Variants in KCTD16 observed in about 807,000 individuals in gnomAD.
KCTD16 encodes the protein potassium channel tetramerization domain containing 16, also known as BTB/POZ domain-containing protein KCTD16.
Under a neutral mutation model 33.2 loss-of-function variants are expected in KCTD16, and 13 were observed. The observed-to-expected ratio is 0.39, with a 90% CI of 0.25 to 0.62. The LOEUF is 0.62. Ranked by LOEUF, KCTD16 falls within the 20% of genes least tolerant of loss-of-function variation. The pLI, the probability that KCTD16 is intolerant of heterozygous loss-of-function variation, is 0.50. For synonymous variants in KCTD16, 197 were observed against 195.3 expected (o/e 1.01, Z -0.07); for missense variants, 441 against 525.1 (o/e 0.84, Z 1.57).
intron 3 of KCTD16, among the ~76,000 whole-genome samples, chr5:144,298,042 C>T (rs557781407): frequency 4.9e-4 from 74 of 152,302 alleles, no homozygotes; most frequent in African/African-American, 1.6e-3. Flanking sequence ...CGCCCATTGC[C>T]GCTCCCGATT....
chr5:144,179,397 G>C (rs1411938235), intron 2 of KCTD16, among the ~76,000 whole-genome samples: 1 of 152,164 alleles, frequency 6.6e-6, no homozygotes, highest in Non-Finnish European at 1.5e-5. Flanking sequence ...TCTAGATACT[G>C]TACACCACAG....
At chr5:144,354,738 C>T (rs1451600646) in intron 3 of KCTD16, among the ~76,000 whole-genome samples, 4 of 152,028 alleles carry the variant, frequency 2.6e-5, no homozygotes, top group East Asian at 3.9e-4. Context: ...TCTATCTATT[C>T]GTTAATATAA....
intron 3 of KCTD16, among the ~76,000 whole-genome samples, chr5:144,366,436 A>G (rs1259114671): frequency 6.6e-6 from 1 of 152,178 alleles, no homozygotes; most frequent in Non-Finnish European, 1.5e-5. Context: ...TGCTGTAAAG[A>G]CAGCATAAAG....
chr5:144,242,293 T>C (rs1692433398), intron 3 of KCTD16, among the ~76,000 whole-genome samples: 1 of 152,108 alleles, frequency 6.6e-6, no homozygotes, highest in South Asian at 2.1e-4. Flanking sequence ...GATGTACTTC[T>C]TAGCAAGTGT....
chr5:144,356,074 TAAG>T (rs1450873837), intron 3 of KCTD16, among the ~76,000 whole-genome samples: 12 of 152,304 alleles, frequency 7.9e-5, no homozygotes, highest in African/African-American at 2.6e-4. Flanking sequence ...GTCTTATTCC[TAAG>T]AAGATTACAA....
chr5:144,384,015 A>C (rs1752272483), intron 3 of KCTD16, among the ~76,000 whole-genome samples: 1 of 152,178 alleles, frequency 6.6e-6, no homozygotes. Context: ...CAAATAGATG[A>C]TTTCCCCCAG....
At chr5:144,178,914 A>T (rs1476232972) in intron 2 of KCTD16, among the ~76,000 whole-genome samples, 2 of 152,340 alleles carry the variant, frequency 1.3e-5, no homozygotes, top group East Asian at 3.9e-4. Context: ...ATTCACTGAG[A>T]TAGCTCTAAA....
At position 144,474,334 on chromosome 5, in the gene KCTD16, T is replaced by A. The variant is rs1754548542; in HGVS notation, c.*220T>A. 4.0e-6 allele frequency: 2 copies of A among 496,834 alleles called. No individual in the cohort carries two copies. The highest frequency in any genetic ancestry group is 7.1e-6 in the Non-Finnish European group (2 of 280,988). 30.8% of individuals were successfully genotyped at this position (496,834 alleles called of 1,614,324 possible). A position where few individuals can be genotyped will look rare whatever the true frequency, so the allele number is the denominator to read the frequency against. On this transcript the variant is annotated 3_prime_UTR_variant, in exon 4 of 4. Transcript: ENST00000512467. ...GATGTGGAAGTACAAGAAAATCTTT[T>A]TTAGTTATTTGTTTGTTTACTTCGT...
intron 3 of KCTD16, among the ~76,000 whole-genome samples, chr5:144,398,236 T>G (rs934071267): frequency 6.6e-6 from 1 of 152,228 alleles, no homozygotes; most frequent in South Asian, 2.1e-4. Context: ...TTCTAACTTA[T>G]AGTTTTCAAA....
At chr5:144,220,391 G>A (rs1481290707) in intron 3 of KCTD16, among the ~76,000 whole-genome samples, 2 of 152,038 alleles carry the variant, frequency 1.3e-5, no homozygotes, top group African/African-American at 4.8e-5. Context: ...AGCTTCCTGG[G>A]GCAGGAGCTA....
At chr5:144,467,115 C>T (rs151213465) in intron 3 of KCTD16, among the ~76,000 whole-genome samples, 8,061 of 138,612 alleles carry the variant, frequency 0.058, 371 homozygotes, top group East Asian at 0.18. Flanking sequence ...ATATATAACA[C>T]TATATATATT....
intron 3 of KCTD16, among the ~76,000 whole-genome samples, chr5:144,229,103 G>T (rs369400772): frequency 6.6e-6 from 1 of 152,182 alleles, no homozygotes; most frequent in East Asian, 1.9e-4. Context: ...TTTTTCTCCA[G>T]CTATGTCCAG....
chr5:144,183,553 A>G (rs75048634), intron 2 of KCTD16, among the ~76,000 whole-genome samples: 67 of 152,320 alleles, frequency 4.4e-4, no homozygotes, highest in African/African-American at 1.6e-3. Context: ...TAAGAAGGAA[A>G]AGTACCATTC....
At chr5:144,336,032 G>A (rs949931558) in intron 3 of KCTD16, among the ~76,000 whole-genome samples, 4 of 152,158 alleles carry the variant, frequency 2.6e-5, no homozygotes, top group Non-Finnish European at 4.4e-5. Flanking sequence ...TAATGGAGAT[G>A]CCCCATGTCC....
intron 3 of KCTD16, among the ~76,000 whole-genome samples, chr5:144,228,406 C>G (rs1489749675): frequency 6.6e-6 from 1 of 152,118 alleles, no homozygotes; most frequent in Non-Finnish European, 1.5e-5. Context: ...ATTGGATATA[C>G]CAATGTGGAG....
At chr5:144,404,184 AAG>A (rs1249244899) in intron 3 of KCTD16, among the ~76,000 whole-genome samples, 1 of 152,182 alleles carries the variant, frequency 6.6e-6, no homozygotes, top group African/African-American at 2.4e-5. Flanking sequence ...GATGGAAGAA[AAG>A]AGTTTACAAA....
At chr5:144,435,823 C>CTGTGTG (rs138524677) in intron 3 of KCTD16, among the ~76,000 whole-genome samples, 17 of 143,478 alleles carry the variant, frequency 1.2e-4, no homozygotes, top group African/African-American at 4.1e-4. Context: ...GTGCGCTTTC[C>CTGTGTG]TGTGTGTGTG....
rs182829908 is a variant in KCTD16, at chr5:144,256,104, C to T, written c.832+48558C>T. 1.3e-3 allele frequency among the ~76,000 whole-genome samples: 195 copies of T among 152,248 alleles called. 1 individual carries two copies. The East Asian group carries it at 0.013, about 11-fold the overall frequency. On this transcript the variant is annotated intron_variant, in intron 3 of 3. Coordinates refer to ENST00000512467, the MANE Select transcript of KCTD16 (RefSeq NM_020768.4). Reference sequence around the variant, plus strand: ...GGATAAAATGAGATTATGACTGTTACGTTACTGTTTTCTGGGTTTGAATAC... The same window carrying T: ...GGATAAAATGAGATTATGACTGTTATGTTACTGTTTTCTGGGTTTGAATAC...
rs114085810 is a variant in KCTD16 at position 144,188,320 on chromosome 5, G to A, written c.-327+13848G>A. Among the ~76,000 whole-genome samples the A allele has an allele frequency of 3.4e-3, 513 of 152,148 alleles. 4 individuals carry two copies. Among genetic ancestry groups the A allele is most frequent in the African/African-American group, 0.012 (495 of 41,494 alleles). On this transcript the variant is annotated intron_variant, in intron 2 of 3. Coordinates refer to ENST00000512467, the MANE Select transcript of KCTD16 (RefSeq NM_020768.4). ...TTAGCAGTAGGGAATCATTAAGGCC[G>A]CATTCTCATCCTAGATCTGTTTTCT...
Sources: gnomAD v4.1 joint callset for allele counts (sites outside exome capture counted in the v4.1 genomes callset) on GRCh38, gnomAD v4.1.1 for gene constraint, MANE v1.5 for transcripts, NCBI Gene and HGNC (gene_info 2026-07-23, HGNC 2026-07-21) for gene names.